Variants in SYNE1 observed in about 807,000 individuals in gnomAD.
SYNE1 encodes nesprin-1.
A neutral mutation model predicts 1,111.0 loss-of-function variants in SYNE1; 616 were observed. That is an observed-to-expected ratio of 0.55 (90% confidence interval 0.52 to 0.59). The LOEUF is 0.59. Among genes scored for constraint, SYNE1 ranks in the 20% least tolerant of loss-of-function variants. The pLI is 0.00. For missense variants in SYNE1, 10,006 were observed against 10,417.0 expected (o/e 0.96, Z 1.72); for synonymous variants, 3,855 against 3,825.8 (o/e 1.01, Z -0.28).
chr6:152,392,373 G>C (rs1158390158), intron 51 of SYNE1, among the ~76,000 whole-genome samples: 1 of 152,082 alleles, frequency 6.6e-6, no homozygotes. Flanking sequence ...TTAGATCAAG[G>C]GGAAAACGTA....
intron 8 of SYNE1, among the ~76,000 whole-genome samples, chr6:152,509,015 A>G (rs1303768463): frequency 6.6e-6 from 1 of 152,112 alleles, no homozygotes; most frequent in East Asian, 1.9e-4. Context: ...GTTTACAACT[A>G]TTTTCCAGAA....
intron 6 of SYNE1, among the ~76,000 whole-genome samples, chr6:152,519,513 C>G (rs753462893): frequency 3.8e-4 from 57 of 151,988 alleles, no homozygotes; most frequent in Middle Eastern, 3.4e-3. Flanking sequence ...AACTACGTAA[C>G]AAAATAAATA....
intron 3 of SYNE1, among the ~76,000 whole-genome samples, chr6:152,541,747 CA>C (rs1267855271): frequency 4.3e-4 from 26 of 60,282 alleles, no homozygotes; most frequent in South Asian, 1.2e-3. Context: ...GACTCCATCT[CA>C]AAAAAAAAAA....
At chr6:152,510,953 C>T (rs1048341428) in intron 7 of SYNE1, 58 bp downstream of exon 7, 22 of 1,472,366 alleles carry the variant, frequency 1.5e-5, no homozygotes, top group Non-Finnish European at 2.0e-5. Context: ...TTAAAATGGC[C>T]ACCATGATCT....
intron 15 of SYNE1, 45 bp downstream of exon 15, chr6:152,472,256 A>T: frequency 6.8e-7 from 1 of 1,471,286 alleles, no homozygotes; most frequent in Non-Finnish European, 9.5e-7. Context: ...GCGTCCACCT[A>T]GTGTTTTAAA....
intron 61 of SYNE1, 113 bp downstream of exon 61, chr6:152,368,859 G>C: frequency 7.5e-7 from 1 of 1,326,622 alleles, no homozygotes; most frequent in Admixed American, 1.7e-5. Context: ...TGCTGACCTG[G>C]AGACCCACAC....
intron 3 of SYNE1, among the ~76,000 whole-genome samples, chr6:152,587,046 G>A (rs1473021519): frequency 6.6e-6 from 1 of 152,056 alleles, no homozygotes; most frequent in Non-Finnish European, 1.5e-5. Context: ...GTTATTTTGG[G>A]ACCATTTCGC....
intron 104 of SYNE1, among the ~76,000 whole-genome samples, chr6:152,254,087 T>C (rs73783816): frequency 0.018 from 2,702 of 151,568 alleles, 74 homozygotes; most frequent in African/African-American, 0.062. Flanking sequence ...AGAATTATAA[T>C]ATGGGGCTAA....
intron 11 of SYNE1, among the ~76,000 whole-genome samples, chr6:152,497,793 GC>G (rs2099007676): frequency 6.6e-6 from 1 of 152,140 alleles, no homozygotes. Context: ...AATATTTATA[GC>G]CCATTAGTCT....
intron 3 of SYNE1, among the ~76,000 whole-genome samples, chr6:152,594,625 C>T (rs558816787): frequency 5.3e-5 from 8 of 152,246 alleles, no homozygotes; most frequent in African/African-American, 1.2e-4. Flanking sequence ...CCATATTTAT[C>T]GTAAACTATC....
chr6:152,136,354 A>G (rs1056366289), intron 141 of SYNE1, among the ~76,000 whole-genome samples: 3 of 152,256 alleles, frequency 2.0e-5, no homozygotes, highest in Admixed American at 2.0e-4. Context: ...TGAGTCATAG[A>G]AGGAGCGTTG....
At chr6:152,300,191 AAAG>A (rs1351379000) in intron 93 of SYNE1, among the ~76,000 whole-genome samples, 12 of 152,388 alleles carry the variant, frequency 7.9e-5, no homozygotes, top group East Asian at 5.8e-4. Flanking sequence ...AGTTGCAAAT[AAAG>A]AAGAAGTCTG....
intron 95 of SYNE1, among the ~76,000 whole-genome samples, chr6:152,287,516 T>C (rs776340998): frequency 1.3e-5 from 2 of 152,192 alleles, no homozygotes; most frequent in Admixed American, 1.3e-4. Flanking sequence ...TTTTAATATA[T>C]ATTTTCCCAC....
chr6:152,129,723 C>T (rs1013037990), intron 145 of SYNE1: 2 of 152,128 alleles, frequency 1.3e-5, no homozygotes, highest in Admixed American at 6.6e-5. Flanking sequence ...CCCTTATGTA[C>T]AGCTGGAAAA....
chr6:152,206,412 C>G, intron 125 of SYNE1, 50 bp from the exon 126 acceptor site: 1 of 1,604,364 alleles, frequency 6.2e-7, no homozygotes, highest in Non-Finnish European at 8.5e-7. Flanking sequence ...TTCATCGTTT[C>G]CTTCCCATAA....
intron 14 of SYNE1, among the ~76,000 whole-genome samples, chr6:152,479,414 T>C (rs747870652): frequency 1.3e-5 from 2 of 152,184 alleles, no homozygotes; most frequent in Non-Finnish European, 2.9e-5. Context: ...AGCCTTACTT[T>C]GCCAAATCAA....
chr6:152,582,271 TATC>T (rs772475641), intron 3 of SYNE1, among the ~76,000 whole-genome samples: 5 of 152,100 alleles, frequency 3.3e-5, no homozygotes, highest in Non-Finnish European at 5.9e-5. Context: ...TCTCCCATAA[TATC>T]ATCATATCTG....
Position 152,409,128 on chromosome 6 carries a change from G to A in SYNE1, c.6480C>T (p.His2160=), listed in dbSNP as rs770775697. 1.2e-6 allele frequency: 2 copies of A among 1,614,100 alleles called. No homozygotes were observed. Among genetic ancestry groups the A allele is most frequent in the East Asian group, 2.2e-5 (1 of 44,872 alleles). The change falls in exon 44 of 146, where the codon CAC becomes CAT. Residue 2160 remains histidine, a synonymous_variant. Coordinates refer to ENST00000367255, the MANE Select transcript of SYNE1 (RefSeq NM_182961.4). The stretch of plus-strand genomic sequence containing the variant: ...TTTTCACCAAGCTGAAATCACTACT[G>A]TGAATTTTCTTCAGCTCAGATAACA... ...KHLLSELKKI[H]SSDFSLVKTD...
At chr6:152,519,235 A>G (rs2099127367) in intron 6 of SYNE1, among the ~76,000 whole-genome samples, 1 of 152,204 alleles carries the variant, frequency 6.6e-6, no homozygotes, top group Admixed American at 6.5e-5. Context: ...TAGCAATGAA[A>G]TACTTAGCAT....
Sources: allele counts gnomAD v4.1 joint callset (sites outside exome capture counted in the v4.1 genomes callset), GRCh38; gene constraint gnomAD v4.1.1; transcripts MANE v1.5; gene names NCBI Gene and HGNC (gene_info 2026-07-23, HGNC 2026-07-21).